Variants in ADGRF1 observed in about 807,000 individuals in gnomAD.
The protein encoded by ADGRF1 is adhesion G protein-coupled receptor F1.
A neutral mutation model predicts 87.2 loss-of-function variants in ADGRF1; 85 were observed. That is an observed-to-expected ratio of 0.97 (90% CI 0.82 to 1.17). The LOEUF (loss-of-function observed/expected upper bound fraction) is 1.17. ADGRF1 is among the 50% of genes most tolerant of loss of function. The pLI is 0.00. For missense variants in ADGRF1, 1,169 were observed against 1,077.2 expected, an observed-to-expected ratio of 1.09 and a Z score of -1.19; for synonymous variants, 430 against 408.8, an observed-to-expected ratio of 1.05 and a Z score of -0.63.
intron 5 of ADGRF1, 45 bp from the exon 6 acceptor site, chr6:47,022,103 CTT>C: frequency 3.9e-6 from 4 of 1,038,100 alleles, no homozygotes; most frequent in Non-Finnish European, 5.8e-6. Flanking sequence ...AAATTTCTAA[CTT>C]GATTTACTAG....
intron 2 of ADGRF1, among the ~76,000 whole-genome samples, 166 bp from the exon 3 acceptor site, chr6:47,027,927 A>C (rs552369777): frequency 2.0e-5 from 3 of 152,092 alleles, no homozygotes; most frequent in Admixed American, 2.0e-4. Context: ...TTAAGCAAAC[A>C]CCTGAAGAGT....
At chr6:47,036,962 C>T (rs997153768) in intron 1 of ADGRF1, among the ~76,000 whole-genome samples, 12 of 152,128 alleles carry the variant, frequency 7.9e-5, no homozygotes, top group East Asian at 3.9e-4. Context: ...CTTCCTTTCA[C>T]GCATCTGAAT....
At chr6:47,005,651 T>A in intron 13 of ADGRF1, among the ~76,000 whole-genome samples, 166 bp downstream of exon 13, 1 of 152,162 alleles carries the variant, frequency 6.6e-6, no homozygotes, top group East Asian at 1.9e-4. Context: ...TCAACAACTC[T>A]TTACTACCAC....
chr6:47,011,569 C>T (rs1336599277), intron 10 of ADGRF1, among the ~76,000 whole-genome samples: 2 of 152,214 alleles, frequency 1.3e-5, no homozygotes, highest in Admixed American at 1.3e-4. Flanking sequence ...CCTATAGTGA[C>T]CAAGTATCAT....
intron 4 of ADGRF1, among the ~76,000 whole-genome samples, chr6:47,024,850 A>G (rs1226488): frequency 0.078 from 11,899 of 152,248 alleles, 1,050 homozygotes; most frequent in East Asian, 0.2. Flanking sequence ...AATGGCTGGG[A>G]TTAGCATGCA....
rs1780160034 is a variant in ADGRF1, at chr6:47,024,282, G to T, written c.278-65C>A. 7 of 1,140,638 alleles carry T rather than the reference G, an allele frequency of 6.1e-6. No individual in the cohort carries two copies. The South Asian group carries it at 7.5e-5, about 12-fold the overall frequency. The allele number at this position is 1,140,638 out of a possible 1,614,324, so 70.7% of individuals were successfully genotyped here. ...TATAAACTGACTACTGCTGAGCAGT[G>T]ATTTTATTTTATATATGTTTATTTT... On this transcript the variant is annotated intron_variant, in intron 4 of 14. Transcript: ENST00000371253.
At position 47,039,834 on chromosome 6, in the gene ADGRF1, T is replaced by C. The variant is rs547902896; in HGVS notation, c.-44+2357A>G. 7.8e-3 allele frequency among the ~76,000 whole-genome samples: 1,181 copies of C among 152,178 alleles called. 11 individuals carry two copies. The highest frequency in any genetic ancestry group is 0.011 in the Non-Finnish European group (750 of 67,996). On this transcript the variant is annotated intron_variant, in intron 1 of 14. Coordinates refer to ENST00000371253, the MANE Select transcript of ADGRF1 (RefSeq NM_153840.4). ...AAAATTAGCCAGGCGTAGTGGCAGA[T>C]GCCTGTAATCCCAGCTACTCAGGAG...
chr6:47,018,528 T>C (rs774309654), intron 7 of ADGRF1: 2 of 1,289,780 alleles, frequency 1.6e-6, no homozygotes, highest in South Asian at 2.5e-5. Flanking sequence ...TTTTCCTGCT[T>C]GTTATAGGTT....
At chr6:47,010,720 A>G (rs1319978295) in intron 10 of ADGRF1, among the ~76,000 whole-genome samples, 1 of 152,178 alleles carries the variant, frequency 6.6e-6, no homozygotes, top group Non-Finnish European at 1.5e-5. Flanking sequence ...TTCCCACATT[A>G]TGTTTGTTTT....
At chr6:47,019,397 G>A (rs1779972625) in intron 7 of ADGRF1, 13 of 984,898 alleles carry the variant, frequency 1.3e-5, no homozygotes, top group Non-Finnish European at 1.4e-5. Context: ...AATTTCCTAT[G>A]GGTTGGCCAG....
chr6:47,020,255 G>T, intron 7 of ADGRF1: 1 of 1,262,052 alleles, frequency 7.9e-7, no homozygotes, highest in African/African-American at 1.5e-5. Flanking sequence ...GCACTTTGGG[G>T]GCCGAGGCAG....
intron 7 of ADGRF1, chr6:47,018,770 A>G (rs9472966): frequency 0.28 from 85,339 of 300,870 alleles, 12,492 homozygotes; most frequent in South Asian, 0.38. Flanking sequence ...TTTTTTTAAA[A>G]GAGATTTATT....
intron 7 of ADGRF1, chr6:47,018,771 G>A: frequency 3.3e-6 from 1 of 298,818 alleles, no homozygotes; most frequent in Non-Finnish European, 6.4e-6. Flanking sequence ...TTTTTTAAAA[G>A]AGATTTATTT....
rs931927110 is a variant in ADGRF1, at chr6:46,997,796, A to G, written c.*2426T>C. 2.7e-5 allele frequency: 4 copies of G among 150,824 alleles called. No homozygotes were observed. The highest frequency in any genetic ancestry group is 2.1e-4 in the South Asian group (1 of 4,798). The allele number at this position is 150,824 out of a possible 1,614,324, so 9.3% of individuals were successfully genotyped here. ...GTGAATTAGACAAGCATGCACATAC[A>G]TGATATCTGATCAAACATTTTTTTG... On this transcript the variant is annotated 3_prime_UTR_variant, in exon 15 of 15. Coordinates refer to ENST00000371253, the MANE Select transcript of ADGRF1 (RefSeq NM_153840.4).
intron 6 of ADGRF1, among the ~76,000 whole-genome samples, chr6:47,021,453 C>T (rs577140530): frequency 1.3e-5 from 2 of 152,168 alleles, no homozygotes; most frequent in African/African-American, 2.4e-5. Flanking sequence ...CTCCACCTCC[C>T]GGGTTCAAGC....
rs1779888500 is a variant in ADGRF1, at chr6:47,016,651, T to A, written c.729A>T (p.Pro243=). The A allele has an allele frequency of 3.1e-6, 5 of 1,610,884 alleles. No homozygotes were observed. Among genetic ancestry groups the A allele is most frequent in the Non-Finnish European group, 3.4e-6 (4 of 1,177,634 alleles). Reference sequence around the variant, plus strand: ...ACACTCTGAAAGAGCCGTCTTCTAATGGAAACAGCTTGTGAAGGGCTGTCT... The same window carrying A: ...ACACTCTGAAAGAGCCGTCTTCTAAAGGAAACAGCTTGTGAAGGGCTGTCT... ...KAKTALHKLF[P]LEDGSFRVFG... is the part of the protein sequence containing the mutation. The change falls in exon 8 of 15, where the codon CCA becomes CCT. Residue 243 remains proline (P), a synonymous_variant. Transcript: ENST00000371253.
intron 9 of ADGRF1, chr6:47,012,871 G>T: frequency 1.4e-6 from 1 of 724,038 alleles, no homozygotes; most frequent in Non-Finnish European, 1.7e-6. Flanking sequence ...CCAGGTTCAA[G>T]GGATTCTCCT....
intron 9 of ADGRF1, chr6:47,013,772 A>G (rs555395990): frequency 2.6e-5 from 11 of 430,070 alleles, no homozygotes; most frequent in African/African-American, 1.3e-4. Flanking sequence ...GTGGTTTCTA[A>G]TGGTTTAGCA....
chr6:47,008,072 T>G (rs1289317900), intron 11 of ADGRF1, among the ~76,000 whole-genome samples: 1 of 152,238 alleles, frequency 6.6e-6, no homozygotes, highest in Non-Finnish European at 1.5e-5. Context: ...TTATTATCTC[T>G]ATTTAAAAGA....
Sources: gnomAD v4.1 joint callset for allele counts (sites outside exome capture counted in the v4.1 genomes callset) on GRCh38, gnomAD v4.1.1 for gene constraint, MANE v1.5 for transcripts, NCBI Gene and HGNC (gene_info 2026-07-23, HGNC 2026-07-21) for gene names.